Variants in VAV2 observed in about 807,000 individuals in gnomAD.
VAV2 encodes guanine nucleotide exchange factor VAV2.
VAV2 carries 67 observed loss-of-function variants against 132.5 expected under a neutral mutation model. The observed-to-expected ratio is 0.51, with a 90% CI of 0.42 to 0.62. The LOEUF (loss-of-function observed/expected upper bound fraction) is 0.62. Among genes scored for constraint, VAV2 ranks in the 20% least tolerant of loss-of-function variants. The probability of loss-of-function intolerance (pLI) is 0.00; values close to 1 mark genes in which losing one functional copy is unlikely to be tolerated. For synonymous variants in VAV2, 492 were observed against 443.5 expected, an observed-to-expected ratio of 1.11 and a Z score of -1.37; for missense variants, 938 against 1,153.6, an observed-to-expected ratio of 0.81 and a Z score of 2.71.
chr9:133,786,013 CCTGTGT>C (rs776345398), intron 16 of VAV2, 128 bp from the exon 17 acceptor site: 8 of 786,486 alleles, frequency 1.0e-5, no homozygotes, highest in African/African-American at 1.9e-5. Context: ...GGTGCCTGTG[CCTGTGT>C]GAACACATGT....
At chr9:133,923,751 C>A (rs1016432176) in intron 2 of VAV2, among the ~76,000 whole-genome samples, 6 of 152,114 alleles carry the variant, frequency 3.9e-5, no homozygotes, top group Admixed American at 1.3e-4. Context: ...CAAATGTCCA[C>A]CAATGATAGA....
At chr9:133,952,521 T>A (rs995609151) in intron 1 of VAV2, among the ~76,000 whole-genome samples, 3 of 151,888 alleles carry the variant, frequency 2.0e-5, no homozygotes, top group African/African-American at 7.2e-5. Context: ...GAGAATTACT[T>A]GAACCCAGGA....
At chr9:133,900,631 T>C (rs1036620563) in intron 2 of VAV2, among the ~76,000 whole-genome samples, 2 of 152,094 alleles carry the variant, frequency 1.3e-5, no homozygotes, top group Non-Finnish European at 2.9e-5. Context: ...CTCATCTGCC[T>C]GCCCATGCTT....
intron 3 of VAV2, among the ~76,000 whole-genome samples, chr9:133,858,891 C>T (rs1427721672): frequency 1.3e-5 from 2 of 152,188 alleles, no homozygotes; most frequent in African/African-American, 2.4e-5. Flanking sequence ...GTCCAGGGGG[C>T]CACTGTGCCC....
Position 133,884,140 on chromosome 9 carries a change from C to T in VAV2, c.322-22708G>A, listed in dbSNP as rs1444975002. ...GCATTCCAGCCTGGCAACAGCCAGA[C>T]TCAGTCTCAACCAAAAAAAAAAAAT... On this transcript the variant is annotated intron_variant, in intron 2 of 29. Coordinates refer to ENST00000371850, the MANE Select transcript of VAV2 (RefSeq NM_001134398.2). This position sits in a 1 kb window ranked among gnomAD's most constrained non-coding sequence, Gnocchi z 5.3. Among the ~76,000 whole-genome samples the T allele has an allele frequency of 1.3e-5, 2 of 151,424 alleles. No individual in the cohort carries two copies. Among genetic ancestry groups the T allele is most frequent in the Non-Finnish European group, 2.9e-5 (2 of 67,916 alleles).
chr9:133,932,308 C>G (rs888363266), intron 2 of VAV2, among the ~76,000 whole-genome samples: 1 of 152,238 alleles, frequency 6.6e-6, no homozygotes, highest in Admixed American at 6.5e-5. Flanking sequence ...GGGCCAACGG[C>G]TCCCATCAGC....
chr9:133,951,775 G>T (rs923826888), intron 1 of VAV2, among the ~76,000 whole-genome samples: 17 of 152,168 alleles, frequency 1.1e-4, no homozygotes, highest in Non-Finnish European at 2.4e-4. Flanking sequence ...AGCAGAGGCG[G>T]TTTCCCCATT....
intron 9 of VAV2, among the ~76,000 whole-genome samples, chr9:133,800,408 G>A (rs758533840): frequency 9.9e-5 from 15 of 152,212 alleles, no homozygotes; most frequent in Non-Finnish European, 1.5e-4. Flanking sequence ...GAGAAGGAAA[G>A]ACAGAGTCCC....
intron 1 of VAV2, among the ~76,000 whole-genome samples, chr9:133,981,316 C>T (rs1165370957): frequency 6.6e-6 from 1 of 152,264 alleles, no homozygotes; most frequent in Non-Finnish European, 1.5e-5. Flanking sequence ...CCCCACTATA[C>T]CCGTGCAGTG....
At chr9:133,939,316 G>A (rs148765092) in intron 1 of VAV2, 97 bp from the exon 2 acceptor site, 16 of 1,082,780 alleles carry the variant, frequency 1.5e-5, no homozygotes, top group South Asian at 7.6e-5. Flanking sequence ...TCTGGCTTCC[G>A]TGCGCCAGCA....
chr9:133,990,016 T>A (rs935367138), intron 1 of VAV2, among the ~76,000 whole-genome samples: 5 of 152,234 alleles, frequency 3.3e-5, no homozygotes, highest in African/African-American at 1.2e-4. Context: ...CTTCTGTGCC[T>A]GCCCTTAGCA....
At position 133,844,866 on chromosome 9, in the gene VAV2, C is replaced by T. The variant is rs571360497; in HGVS notation, c.381-10526G>A. ...GCTTCCAGACTCCAGGCCTGCAGGT[C>T]AGCACTCTCTGTGCCCGACGGTGCC... On this transcript the variant is annotated intron_variant, in intron 3 of 29. Coordinates refer to ENST00000371850, the MANE Select transcript of VAV2 (RefSeq NM_001134398.2). Among the ~76,000 whole-genome samples the T allele has an allele frequency of 2.0e-5, 3 of 152,378 alleles. No homozygotes were observed. In the South Asian group the frequency reaches 6.2e-4, roughly 32 times the overall value.
chr9:133,845,176 C>T (rs901205764), intron 3 of VAV2, among the ~76,000 whole-genome samples: 1 of 152,230 alleles, frequency 6.6e-6, no homozygotes, highest in African/African-American at 2.4e-5. Flanking sequence ...TGGGCCACAG[C>T]GGCTTGTCTG....
chr9:133,807,898 G>C (rs1422040731), intron 7 of VAV2, among the ~76,000 whole-genome samples: 3 of 152,206 alleles, frequency 2.0e-5, no homozygotes, highest in Non-Finnish European at 4.4e-5. Flanking sequence ...CTGCTCTGGA[G>C]GCCCGGCCAC....
intron 23 of VAV2, among the ~76,000 whole-genome samples, chr9:133,776,308 G>A (rs1833809687): frequency 1.3e-5 from 2 of 152,226 alleles, no homozygotes; most frequent in South Asian, 4.1e-4. Context: ...ACAGATGTCG[G>A]CATAGCCACC....
In VAV2 at chr9:133,835,711, C is replaced by A. The variant is rs191853296; in HGVS notation, c.381-1371G>T. Among the ~76,000 whole-genome samples the A allele has an allele frequency of 2.0e-5, 3 of 152,254 alleles. No homozygotes were observed. The East Asian group carries it at 5.8e-4, about 29-fold the overall frequency. ...CTCAGCCCGAGATCCAGCAGGGACG[C>A]GCGGTCCGTCCCGGCAGCCCCGCCC... On this transcript the variant is annotated intron_variant, in intron 3 of 29. Coordinates refer to ENST00000371850, the MANE Select transcript of VAV2 (RefSeq NM_001134398.2).
intron 1 of VAV2, among the ~76,000 whole-genome samples, chr9:133,964,027 A>ATATATATG (rs1842049342): frequency 1.4e-5 from 1 of 73,706 alleles, no homozygotes; most frequent in South Asian, 6.3e-4. Context: ...TCATTCATAT[A>ATATATATG]TATATATATA....
intron 2 of VAV2, among the ~76,000 whole-genome samples, chr9:133,870,256 G>A (rs1203606321): frequency 1.3e-5 from 2 of 152,156 alleles, no homozygotes; most frequent in African/African-American, 2.4e-5. Context: ...CTAGGGGGCC[G>A]GCAGAGTGCA....
intron 8 of VAV2, among the ~76,000 whole-genome samples, chr9:133,806,706 G>A (rs1051611681): frequency 2.6e-5 from 4 of 152,180 alleles, no homozygotes; most frequent in South Asian, 2.1e-4. Context: ...CTAATGAGAC[G>A]GCCAGGGAGG....
Sources: allele counts gnomAD v4.1 joint callset (sites outside exome capture counted in the v4.1 genomes callset), GRCh38; gene constraint gnomAD v4.1.1; non-coding constraint Gnocchi (gnomAD v3.1); transcripts MANE v1.5; gene names NCBI Gene and HGNC (gene_info 2026-07-23, HGNC 2026-07-21).